PCDH9: variants seen among roughly 807,000 people sequenced by gnomAD.
The protein encoded by PCDH9 is protocadherin-9.
Under a neutral mutation model 70.6 loss-of-function variants are expected in PCDH9, and 24 were observed. The ratio of observed to expected loss-of-function variants is 0.34; its 90% CI spans 0.25 to 0.48. The LOEUF (loss-of-function observed/expected upper bound fraction) is 0.48. Ranked by LOEUF, PCDH9 falls within the 20% of genes least tolerant of loss-of-function variation. The pLI is 0.99. For synonymous variants in PCDH9, 562 were observed against 558.5 expected (o/e 1.01, Z -0.09); for missense variants, 1,281 against 1,503.6 (o/e 0.85, Z 2.45).
intron 2 of PCDH9, among the ~76,000 whole-genome samples, chr13:66,931,071 TCAG>T (rs2082800544): frequency 2.0e-5 from 3 of 152,168 alleles, no homozygotes; most frequent in Admixed American, 2.0e-4. Context: ...TCTGTCCACA[TCAG>T]CTAATGTTTT....
At chr13:66,695,194 C>T (rs1261555156) in intron 3 of PCDH9, among the ~76,000 whole-genome samples, 3 of 152,140 alleles carry the variant, frequency 2.0e-5, no homozygotes, top group African/African-American at 4.8e-5. Flanking sequence ...TGAGCCACCG[C>T]GCCCGGTATA....
chr13:66,468,234 G>A (rs746294476), intron 4 of PCDH9, among the ~76,000 whole-genome samples: 57 of 151,984 alleles, frequency 3.8e-4, no homozygotes, highest in Non-Finnish European at 7.4e-5. Context: ...TCAATGTGTT[G>A]CTTGTTTTTC....
intron 3 of PCDH9, among the ~76,000 whole-genome samples, chr13:66,717,319 G>A (rs1311565595): frequency 1.3e-5 from 2 of 150,832 alleles, no homozygotes; most frequent in East Asian, 3.9e-4. Flanking sequence ...AGGTGTAGTG[G>A]CTAGTGCCTA....
chr13:66,608,964 C>A (rs1412788689), intron 4 of PCDH9, among the ~76,000 whole-genome samples: 1 of 152,152 alleles, frequency 6.6e-6, no homozygotes, highest in Non-Finnish European at 1.5e-5. Flanking sequence ...ACACGGTCTC[C>A]TTTACTGTCT....
intron 4 of PCDH9, among the ~76,000 whole-genome samples, chr13:66,460,690 T>C (rs902604362): frequency 2.0e-5 from 3 of 151,852 alleles, no homozygotes; most frequent in African/African-American, 7.2e-5. Context: ...AAGTGACTTT[T>C]TCCAAGGTCA....
chr13:67,136,415 C>A (rs2087233410), intron 2 of PCDH9, among the ~76,000 whole-genome samples: 1 of 152,122 alleles, frequency 6.6e-6, no homozygotes, highest in African/African-American at 2.4e-5. Context: ...AAGAATCAAC[C>A]CTTCACTGCA....
At chr13:66,542,795 G>A (rs540100494) in intron 4 of PCDH9, among the ~76,000 whole-genome samples, 1 of 145,356 alleles carries the variant, frequency 6.9e-6, no homozygotes, top group South Asian at 2.2e-4. Flanking sequence ...TTAAATATAT[G>A]TATATATAAA....
intron 2 of PCDH9, among the ~76,000 whole-genome samples, chr13:67,185,208 CTTTG>C (rs1401818075): frequency 1.3e-5 from 2 of 152,124 alleles, no homozygotes; most frequent in South Asian, 2.1e-4. Context: ...TCATGTTATA[CTTTG>C]TTTAACAATG....
chr13:66,511,830 T>C (rs1018910760), intron 4 of PCDH9, among the ~76,000 whole-genome samples: 4 of 152,128 alleles, frequency 2.6e-5, no homozygotes. Flanking sequence ...GGAAGCTTCC[T>C]GAGGCCGCCC....
chr13:67,157,039 T>G (rs1411692124), intron 2 of PCDH9, among the ~76,000 whole-genome samples: 2 of 152,254 alleles, frequency 1.3e-5, no homozygotes, highest in Admixed American at 1.3e-4. Context: ...TATAATATTT[T>G]ATCTCTTTAT....
chr13:67,007,839 G>C (rs1168962216), intron 2 of PCDH9, among the ~76,000 whole-genome samples: 3 of 152,032 alleles, frequency 2.0e-5, no homozygotes, highest in Admixed American at 2.0e-4. Flanking sequence ...GAGAGTGGTT[G>C]GGGTATTCGT....
chr13:66,605,926 G>A (rs987369050), intron 4 of PCDH9, among the ~76,000 whole-genome samples: 6 of 151,958 alleles, frequency 3.9e-5, no homozygotes, highest in African/African-American at 1.5e-4. Flanking sequence ...ATTATTCTGA[G>A]AACAGGGACA....
intron 4 of PCDH9, among the ~76,000 whole-genome samples, chr13:66,426,208 C>A (rs1290091621): frequency 6.6e-6 from 1 of 150,806 alleles, no homozygotes; most frequent in African/African-American, 2.4e-5. Context: ...CTATTGAACT[C>A]ATCATATGAA....
At chr13:66,405,543 A>G (rs993200544) in intron 4 of PCDH9, among the ~76,000 whole-genome samples, 1 of 152,196 alleles carries the variant, frequency 6.6e-6, no homozygotes, top group Non-Finnish European at 1.5e-5. Flanking sequence ...TTTAAATGTT[A>G]TAAGGAGAAG....
chr13:66,816,125 A>G (rs1488513683), intron 3 of PCDH9, among the ~76,000 whole-genome samples: 2 of 152,366 alleles, frequency 1.3e-5, no homozygotes, highest in African/African-American at 4.8e-5. Flanking sequence ...GGTGCTTTAC[A>G]TAAATCATTC....
intron 3 of PCDH9, among the ~76,000 whole-genome samples, chr13:66,724,680 A>G (rs1244386405): frequency 6.6e-6 from 1 of 152,126 alleles, no homozygotes; most frequent in East Asian, 1.9e-4. Context: ...CCAACTCCAG[A>G]CCAAACAGAG....
At chr13:66,453,832 T>C (rs903675150) in intron 4 of PCDH9, among the ~76,000 whole-genome samples, 1 of 152,182 alleles carries the variant, frequency 6.6e-6, no homozygotes, top group African/African-American at 2.4e-5. Context: ...GCATATCTCA[T>C]TAACAGTAAA....
chr13:66,666,088 T>C (rs1275969160), intron 3 of PCDH9, among the ~76,000 whole-genome samples: 1 of 152,220 alleles, frequency 6.6e-6, no homozygotes, highest in African/African-American at 2.4e-5. Context: ...GAACTGAGCA[T>C]GCCACTGTGT....
chr13:66,705,396 T>C (rs992406733), intron 3 of PCDH9, among the ~76,000 whole-genome samples: 2 of 152,190 alleles, frequency 1.3e-5, no homozygotes, highest in Non-Finnish European at 2.9e-5. Flanking sequence ...CGCTTAACTA[T>C]ATGTTGATTC....
Sources: gnomAD v4.1 joint callset for allele counts (sites outside exome capture counted in the v4.1 genomes callset) on GRCh38, gnomAD v4.1.1 for gene constraint, MANE v1.5 for transcripts, NCBI Gene and HGNC (gene_info 2026-07-23, HGNC 2026-07-21) for gene names.